Variants in KCNIP4 observed in about 807,000 individuals in gnomAD.
The protein encoded by KCNIP4 is potassium voltage-gated channel interacting protein 4, also known as Kv channel-interacting protein 4.
KCNIP4 carries 12 observed loss-of-function variants against 34.0 expected under a neutral mutation model. That is an observed-to-expected ratio of 0.35 (90% CI 0.23 to 0.57). The LOEUF (loss-of-function observed/expected upper bound fraction) is 0.57, where lower values mean the gene tolerates loss of function less well. KCNIP4 is among the 20% of genes least tolerant of loss of function. The pLI is 0.83. For missense variants in KCNIP4, 238 were observed against 311.7 expected, an observed-to-expected ratio of 0.76 and a Z score of 1.78; for synonymous variants, 124 against 102.2, an observed-to-expected ratio of 1.21 and a Z score of -1.29.
intron 1 of KCNIP4, among the ~76,000 whole-genome samples, chr4:20,966,469 G>A (rs1278283828): frequency 6.6e-6 from 1 of 152,090 alleles, no homozygotes; most frequent in Non-Finnish European, 1.5e-5. Context: ...AATAAAAAAA[G>A]AACACTTAGT....
intron 1 of KCNIP4, among the ~76,000 whole-genome samples, chr4:21,827,971 C>T (rs1353358241): frequency 6.7e-6 from 1 of 150,146 alleles, no homozygotes; most frequent in Non-Finnish European, 1.5e-5. Flanking sequence ...AAACGAGCCG[C>T]TCTAACTTAT....
rs144113134 is a variant in KCNIP4, at chr4:20,823,653, T to C, written c.288+26890A>G. On this transcript the variant is annotated intron_variant, in intron 3 of 8. Coordinates refer to ENST00000382152, the MANE Select transcript of KCNIP4 (RefSeq NM_025221.6). ...CCAGGAAGCAGGTTCTTACCAGACA[T>C]AGGATCTGCTGGAAACTTGATCTTG... Among the ~76,000 whole-genome samples, 768 of 152,272 alleles carry C rather than the reference T, an allele frequency of 5.0e-3. 6 individuals carry two copies. Among genetic ancestry groups the C allele is most frequent in the African/African-American group, 0.017 (704 of 41,566 alleles).
intron 1 of KCNIP4, among the ~76,000 whole-genome samples, chr4:21,304,916 T>C (rs2109254853): frequency 6.6e-6 from 1 of 152,194 alleles, no homozygotes; most frequent in East Asian, 1.9e-4. Context: ...TGTGTCCTTC[T>C]ATCCTTTATA....
At chr4:20,917,934 T>C (rs986832827) in intron 1 of KCNIP4, among the ~76,000 whole-genome samples, 3 of 152,136 alleles carry the variant, frequency 2.0e-5, no homozygotes, top group Non-Finnish European at 1.5e-5. Context: ...TTCCTCAGGA[T>C]TGGAGCTAAT....
In KCNIP4 at chr4:20,929,613, T is replaced by C. The variant is rs528780205; in HGVS notation, c.62-46904A>G. 5.4e-5 allele frequency among the ~76,000 whole-genome samples: 8 copies of C among 147,818 alleles called. No individual in the cohort carries two copies. The East Asian group carries it at 1.8e-3, about 33-fold the overall frequency. ...AAGTAAAATTATCTCTATTTGCAGA[T>C]GATATAATCCCTTATGTAGAAAACC... On this transcript the variant is annotated intron_variant, in intron 1 of 8. Coordinates refer to ENST00000382152, the MANE Select transcript of KCNIP4 (RefSeq NM_025221.6).
intron 1 of KCNIP4, chr4:21,847,126 T>C (rs1724067065): frequency 6.6e-6 from 1 of 152,142 alleles, no homozygotes; most frequent in Non-Finnish European, 1.5e-5. Context: ...GATGTTTCAG[T>C]TCATCACCTT....
At chr4:20,800,642 T>C (rs1425598583) in intron 3 of KCNIP4, among the ~76,000 whole-genome samples, 2 of 151,974 alleles carry the variant, frequency 1.3e-5, no homozygotes, top group Non-Finnish European at 2.9e-5. Context: ...AGTTTAAAAA[T>C]ACAATAGAAA....
intron 5 of KCNIP4, among the ~76,000 whole-genome samples, chr4:20,748,602 ATATT>A (rs1412331249): frequency 5.1e-5 from 6 of 117,510 alleles, no homozygotes; most frequent in Non-Finnish European, 1.1e-4. Context: ...ATATATATAT[ATATT>A]CCATAAGTAA....
chr4:21,733,193 C>A (rs2109115216), intron 1 of KCNIP4, among the ~76,000 whole-genome samples: 1 of 152,160 alleles, frequency 6.6e-6, no homozygotes. Flanking sequence ...ACTCCAGTAC[C>A]CTGTTGTAAT....
At chr4:21,112,686 C>G (rs1749322770) in intron 1 of KCNIP4, among the ~76,000 whole-genome samples, 1 of 152,128 alleles carries the variant, frequency 6.6e-6, no homozygotes, top group Non-Finnish European at 1.5e-5. Flanking sequence ...AGTTGTGGCA[C>G]TAAACTTCAG....
intron 1 of KCNIP4, among the ~76,000 whole-genome samples, chr4:20,985,063 C>T (rs994530525): frequency 6.6e-6 from 1 of 152,142 alleles, no homozygotes; most frequent in African/African-American, 2.4e-5. Context: ...TATCTCCAGT[C>T]TACTGAAGCC....
At chr4:21,796,240 T>A (rs1407751354) in intron 1 of KCNIP4, among the ~76,000 whole-genome samples, 1 of 152,176 alleles carries the variant, frequency 6.6e-6, no homozygotes, top group Non-Finnish European at 1.5e-5. Flanking sequence ...TCTTACACAA[T>A]TTTTTCTCTT....
intron 1 of KCNIP4, among the ~76,000 whole-genome samples, chr4:21,401,761 C>T (rs1723580851): frequency 6.6e-6 from 1 of 152,108 alleles, no homozygotes; most frequent in African/African-American, 2.4e-5. Flanking sequence ...ACGTTGTGAG[C>T]CCATTATATA....
rs188066089 is a variant in KCNIP4, at chr4:21,265,001, A to C, written c.62-382292T>G. ...GTGATCCCGGCAACTCGGGAGGCTG[A>C]GGCACAAGAATTGCTTGAATCCAAA... On this transcript the variant is annotated intron_variant, in intron 1 of 8. Transcript: ENST00000382152. Among the ~76,000 whole-genome samples, 3 of 152,260 alleles carry C rather than the reference A, an allele frequency of 2.0e-5. No homozygotes were observed. The East Asian group carries it at 5.8e-4, about 29-fold the overall frequency.
chr4:21,176,947 C>T (rs368444945), intron 1 of KCNIP4, among the ~76,000 whole-genome samples: 4 of 152,326 alleles, frequency 2.6e-5, no homozygotes, highest in African/African-American at 7.2e-5. Flanking sequence ...AATACTGTTG[C>T]TGATAAGCAG....
At chr4:21,849,614 G>C (rs1724243612) in intron 1 of KCNIP4, 1 of 151,904 alleles carries the variant, frequency 6.6e-6, no homozygotes. Context: ...ACTAGTACCA[G>C]ATACGACAGT....
intron 1 of KCNIP4, among the ~76,000 whole-genome samples, chr4:21,778,435 A>G (rs1719343117): frequency 6.6e-6 from 1 of 151,504 alleles, no homozygotes; most frequent in South Asian, 2.1e-4. Context: ...GGATCGCATC[A>G]TGTTACCCAG....
Position 21,178,485 on chromosome 4 carries a change from T to G in KCNIP4, c.62-295776A>C, listed in dbSNP as rs1453958239. ...AGGTAGTGGATTCACAGACCTCAGT[T>G]TATTTCCAGGTATAGTAACCATGTG... On this transcript the variant is annotated intron_variant, in intron 1 of 8. Coordinates refer to ENST00000382152, the MANE Select transcript of KCNIP4 (RefSeq NM_025221.6). 2.9e-3 allele frequency among the ~76,000 whole-genome samples: 435 copies of G among 147,542 alleles called. 3 individuals are homozygous for G. The highest frequency in any genetic ancestry group is 0.011 in the African/African-American group (408 of 37,210).
rs942296108 is a variant in KCNIP4 at position 21,514,876 on chromosome 4, T to C, written c.61+433695A>G. On this transcript the variant is annotated intron_variant, in intron 1 of 8. Coordinates refer to ENST00000382152, the MANE Select transcript of KCNIP4 (RefSeq NM_025221.6). ...TGATGTATTCATCTTCTGGGGGAGA[T>C]GTGTGCCTGCAAGAAGACATTTCAT... Among the ~76,000 whole-genome samples the C allele has an allele frequency of 2.0e-5, 3 of 152,172 alleles. No homozygotes were observed. In the South Asian group the frequency reaches 6.2e-4, roughly 32 times the overall value.
Sources: allele counts gnomAD v4.1 joint callset (sites outside exome capture counted in the v4.1 genomes callset), GRCh38; gene constraint gnomAD v4.1.1; transcripts MANE v1.5; gene names NCBI Gene and HGNC (gene_info 2026-07-23, HGNC 2026-07-21).